Variants in DIP2C observed in about 807,000 individuals in gnomAD.
DIP2C encodes the protein DIP2 acetate--CoA ligase C (putative).
A neutral mutation model predicts 192.4 loss-of-function variants in DIP2C; 33 were observed. That is an observed-to-expected ratio of 0.17 (90% CI 0.13 to 0.23). The LOEUF (loss-of-function observed/expected upper bound fraction) is 0.23, where lower values mean the gene tolerates loss of function less well. Ranked by LOEUF, DIP2C falls within the 10% of genes least tolerant of loss-of-function variation. DIP2C has a pLI of 1.00. For missense variants in DIP2C, 1,537 were observed against 2,110.1 expected (o/e 0.73, Z 5.32); for synonymous variants, 979 against 864.1 (o/e 1.13, Z -2.33).
At chr10:287,721 G>T in intron 33 of DIP2C, among the ~76,000 whole-genome samples, 1 of 146,410 alleles carries the variant, frequency 6.8e-6, no homozygotes, top group Admixed American at 6.8e-5. Context: ...TATCTTTCTT[G>T]CCCTTTAGTT....
At chr10:606,017 C>G (rs1852436153) in intron 1 of DIP2C, among the ~76,000 whole-genome samples, 1 of 152,232 alleles carries the variant, frequency 6.6e-6, no homozygotes, top group Non-Finnish European at 1.5e-5. Context: ...CTCTGCAGCC[C>G]CACTCCACGC....
At chr10:359,526 G>A (rs182194713) in intron 22 of DIP2C, among the ~76,000 whole-genome samples, 3 of 152,290 alleles carry the variant, frequency 2.0e-5, no homozygotes, top group Non-Finnish European at 2.9e-5. Flanking sequence ...TTTTCACGTC[G>A]TAGTTGTGAA....
At chr10:289,047 T>C (rs1345933850) in intron 32 of DIP2C, among the ~76,000 whole-genome samples, 1 of 152,264 alleles carries the variant, frequency 6.6e-6, no homozygotes, top group Non-Finnish European at 1.5e-5. Context: ...TTTTGAGGCC[T>C]TCACTACTGG....
At position 467,387 on chromosome 10, in the gene DIP2C, G is replaced by C. The variant is rs1450011420; in HGVS notation, c.268+5052C>G. Among the ~76,000 whole-genome samples, 105 of 148,264 alleles carry C rather than the reference G, an allele frequency of 7.1e-4. 1 individual carries two copies. Among genetic ancestry groups the C allele is most frequent in the Non-Finnish European group, 1.2e-3 (80 of 66,866 alleles). ...CACACTCTGGGGACTGTGGTGGGGT[G>C]GGGGGAGGTGGGAGGGATAGCATTG... On this transcript the variant is annotated intron_variant, in intron 3 of 36. Coordinates refer to ENST00000280886, the MANE Select transcript of DIP2C (RefSeq NM_014974.3).
intron 28 of DIP2C, among the ~76,000 whole-genome samples, chr10:344,595 A>T (rs886502268): frequency 2.6e-5 from 4 of 152,224 alleles, no homozygotes; most frequent in African/African-American, 9.6e-5. Flanking sequence ...TGTTCACATA[A>T]AAACATACTT....
At chr10:554,769 G>A (rs1848755123) in intron 1 of DIP2C, among the ~76,000 whole-genome samples, 2 of 152,192 alleles carry the variant, frequency 1.3e-5, no homozygotes, top group South Asian at 4.1e-4. Context: ...CTGGCAGTGG[G>A]GAGTGAGTCC....
intron 1 of DIP2C, among the ~76,000 whole-genome samples, chr10:528,166 G>A (rs1847165472): frequency 6.6e-6 from 1 of 152,134 alleles, no homozygotes; most frequent in Non-Finnish European, 1.5e-5. Flanking sequence ...GGTTCCTCAA[G>A]CTACAATACT....
chr10:509,721 C>T (rs1423581837), intron 1 of DIP2C, among the ~76,000 whole-genome samples: 1 of 152,168 alleles, frequency 6.6e-6, no homozygotes, highest in Non-Finnish European at 1.5e-5. Context: ...CAGAGAAGGG[C>T]CGACAAACCC....
At chr10:341,083 T>G in intron 29 of DIP2C, 116 bp downstream of exon 29, 3 of 1,444,058 alleles carry the variant, frequency 2.1e-6, no homozygotes, top group Non-Finnish European at 2.9e-6. Context: ...GCCCCAGGCC[T>G]CCTCTGGCAG....
chr10:309,527 C>T (rs1476445356), intron 32 of DIP2C, among the ~76,000 whole-genome samples: 1 of 151,818 alleles, frequency 6.6e-6, no homozygotes, highest in Non-Finnish European at 1.5e-5. Context: ...CTCCTGCTAT[C>T]ACACCTGCCA....
chr10:488,995 T>C (rs1466678608), intron 1 of DIP2C, among the ~76,000 whole-genome samples: 1 of 152,092 alleles, frequency 6.6e-6, no homozygotes, highest in African/African-American at 2.4e-5. Flanking sequence ...GGGGTGATCA[T>C]TTACCTGTTC....
At chr10:620,317 TATC>T (rs1479299276) in intron 1 of DIP2C, among the ~76,000 whole-genome samples, 1 of 152,094 alleles carries the variant, frequency 6.6e-6, no homozygotes, top group Non-Finnish European at 1.5e-5. Flanking sequence ...GAAGGCGCCT[TATC>T]ATTAAACGTT....
At chr10:314,257 AAT>A (rs1956680760) in intron 31 of DIP2C, among the ~76,000 whole-genome samples, 1 of 152,210 alleles carries the variant, frequency 6.6e-6, no homozygotes, top group African/African-American at 2.4e-5. Context: ...CCAGTAGCTA[AAT>A]ATGACAGGTC....
chr10:444,688 C>T (rs777608668), intron 3 of DIP2C, among the ~76,000 whole-genome samples: 1 of 151,776 alleles, frequency 6.6e-6, no homozygotes, highest in Non-Finnish European at 1.5e-5. Flanking sequence ...ATGGACTCCA[C>T]AGCATGGTGT....
chr10:518,967 C>G (rs1239358784), intron 1 of DIP2C, among the ~76,000 whole-genome samples: 1 of 152,248 alleles, frequency 6.6e-6, no homozygotes, highest in African/African-American at 2.4e-5. Flanking sequence ...CTCCCCATGC[C>G]AGCTCTGCAT....
chr10:358,478 G>A (rs1959175333), intron 22 of DIP2C, among the ~76,000 whole-genome samples: 1 of 144,846 alleles, frequency 6.9e-6, no homozygotes, highest in Non-Finnish European at 1.5e-5. Context: ...GACTGAAAAG[G>A]TCTTAGGTTC....
intron 10 of DIP2C, among the ~76,000 whole-genome samples, chr10:397,562 G>C (rs1306821891): frequency 1.3e-5 from 2 of 151,054 alleles, no homozygotes; most frequent in African/African-American, 4.9e-5. Context: ...GGGAGCTGAT[G>C]GTTTAAGGGC....
intron 1 of DIP2C, among the ~76,000 whole-genome samples, chr10:515,291 T>C (rs112525819): frequency 2.0e-4 from 31 of 152,222 alleles, no homozygotes; most frequent in African/African-American, 6.8e-4. Context: ...AGTTAACATT[T>C]GAGGTAGATT....
chr10:506,805 C>A (rs1315441981), intron 1 of DIP2C, among the ~76,000 whole-genome samples: 1 of 152,232 alleles, frequency 6.6e-6, no homozygotes, highest in Non-Finnish European at 1.5e-5. Flanking sequence ...AGGAAACGAG[C>A]CCCTCACTGA....
Sources: allele counts gnomAD v4.1 joint callset (sites outside exome capture counted in the v4.1 genomes callset), GRCh38; gene constraint gnomAD v4.1.1; transcripts MANE v1.5; gene names NCBI Gene and HGNC (gene_info 2026-07-23, HGNC 2026-07-21).